The following MSRA variants were observed in gnomAD, a reference collection of about 807,000 sequenced individuals.
The protein encoded by MSRA is methionine sulfoxide reductase A, also known as mitochondrial peptide methionine sulfoxide reductase.
A neutral mutation model predicts 31.3 loss-of-function variants in MSRA; 54 were observed. The observed-to-expected ratio is 1.73, with a 90% CI of 1.39 to 2.17. MSRA has a LOEUF of 2.17. MSRA is among the 30% of genes most tolerant of loss of function. The pLI, the probability that MSRA is intolerant of heterozygous loss-of-function variation, is 0.00. For missense variants in MSRA, 507 were observed against 300.9 expected (o/e 1.69, Z -5.07); for synonymous variants, 169 against 116.5 (o/e 1.45, Z -2.90).
At chr8:10,252,534 G>A (rs1040905909) in intron 3 of MSRA, among the ~76,000 whole-genome samples, 2 of 152,136 alleles carry the variant, frequency 1.3e-5, no homozygotes, top group Non-Finnish European at 2.9e-5. Context: ...AGTAAAGAGC[G>A]CCTGCAGGAG....
At chr8:10,364,983 G>T (rs1009054998) in intron 5 of MSRA, among the ~76,000 whole-genome samples, 8 of 151,884 alleles carry the variant, frequency 5.3e-5, no homozygotes, top group African/African-American at 1.7e-4. Flanking sequence ...TGCACCTCTC[G>T]CTTATATAAC....
At chr8:10,237,288 T>A (rs1337076538) in intron 2 of MSRA, among the ~76,000 whole-genome samples, 1 of 152,258 alleles carries the variant, frequency 6.6e-6, no homozygotes, top group Non-Finnish European at 1.5e-5. Context: ...TAAGATGATG[T>A]TGGGTTAGGT....
chr8:10,184,401 A>G (rs1352720524), intron 1 of MSRA, among the ~76,000 whole-genome samples: 1 of 151,866 alleles, frequency 6.6e-6, no homozygotes, highest in Non-Finnish European at 1.5e-5. Flanking sequence ...CTGCCTGGGA[A>G]CAGTAAACCT....
intron 1 of MSRA, among the ~76,000 whole-genome samples, chr8:10,107,206 A>C (rs542748970): frequency 6.6e-6 from 1 of 151,670 alleles, no homozygotes; most frequent in African/African-American, 2.4e-5. Context: ...TCAGAGGGAG[A>C]ATCAAAATTC....
chr8:10,307,500 C>A (rs908896812), intron 4 of MSRA, among the ~76,000 whole-genome samples: 1 of 152,128 alleles, frequency 6.6e-6, no homozygotes, highest in African/African-American at 2.4e-5. Context: ...CCAGTGATAA[C>A]AATTGGGCTT....
At chr8:10,362,793 C>G (rs1218485871) in intron 5 of MSRA, among the ~76,000 whole-genome samples, 3 of 152,068 alleles carry the variant, frequency 2.0e-5, no homozygotes, top group African/African-American at 7.2e-5. Context: ...TGCCTTTTTC[C>G]TCTTTGTCGG....
At chr8:10,064,700 T>G (rs1797370814) in intron 1 of MSRA, among the ~76,000 whole-genome samples, 1 of 152,180 alleles carries the variant, frequency 6.6e-6, no homozygotes, top group Admixed American at 6.5e-5. Flanking sequence ...GTTTTCGTAT[T>G]TTACCTTTGA....
At chr8:10,343,205 C>G (rs1485248066) in intron 5 of MSRA, among the ~76,000 whole-genome samples, 2 of 152,088 alleles carry the variant, frequency 1.3e-5, no homozygotes, top group African/African-American at 4.8e-5. Context: ...AACCTTCAGG[C>G]TTGCTCAGCA....
In MSRA at chr8:10,428,429, A is replaced by C; in HGVS notation, c.*117A>C. The C allele has an allele frequency of 8.8e-7, 1 of 1,138,254 alleles. No individual in the cohort carries two copies. The highest frequency in any genetic ancestry group is 1.3e-6 in the Non-Finnish European group (1 of 798,034). 70.5% of individuals were successfully genotyped at this position (1,138,254 alleles called of 1,614,324 possible). ...AAGTGCACAAAGTACAAAGGAATTT[A>C]TACAGATTGGGTTTACCGAAGTATA... On this transcript the variant is annotated 3_prime_UTR_variant, in exon 6 of 6. Transcript: ENST00000317173.
chr8:10,228,481 T>C (rs1811188635), intron 2 of MSRA, among the ~76,000 whole-genome samples: 1 of 152,158 alleles, frequency 6.6e-6, no homozygotes, highest in African/African-American at 2.4e-5. Context: ...ATGTCATTTA[T>C]CAGGTGCCAC....
chr8:10,077,329 G>A (rs994357744), intron 1 of MSRA, among the ~76,000 whole-genome samples: 3 of 152,104 alleles, frequency 2.0e-5, no homozygotes, highest in Non-Finnish European at 4.4e-5. Flanking sequence ...TAAGGCAACA[G>A]GTTCAAAAGG....
At chr8:10,336,111 C>T (rs192052376) in intron 5 of MSRA, among the ~76,000 whole-genome samples, 1 of 152,272 alleles carries the variant, frequency 6.6e-6, no homozygotes, top group African/African-American at 2.4e-5. Flanking sequence ...TTGCCAATAT[C>T]ACATTAAAAG....
chr8:10,175,020 A>T (rs796099801), intron 1 of MSRA, among the ~76,000 whole-genome samples: 16 of 151,856 alleles, frequency 1.1e-4, no homozygotes, highest in African/African-American at 3.4e-4. Context: ...ACGTTCTCTG[A>T]CTCATCCGTC....
intron 5 of MSRA, among the ~76,000 whole-genome samples, chr8:10,325,593 T>G (rs1277392809): frequency 2.0e-5 from 3 of 152,246 alleles, no homozygotes; most frequent in African/African-American, 7.2e-5. Context: ...TCTGACTGTT[T>G]ATTCAGTTGA....
chr8:10,362,125 G>A lies in MSRA; in HGVS notation c.543+42136G>A, dbSNP rs181054328. On this transcript the variant is annotated intron_variant, in intron 5 of 5. Transcript: ENST00000317173. ...GAGACTTTGGCAAGTTCGTTGGCTT[G>A]TCTGAGCCTCAGTTTTCCTCCTTGT... is the stretch of plus-strand genomic sequence containing the variant. Among the ~76,000 whole-genome samples, 502 of 152,278 alleles carry A rather than the reference G, an allele frequency of 3.3e-3. 10 individuals are homozygous for A. Among genetic ancestry groups the A allele is most frequent in the Admixed American group, 0.03 (459 of 15,294 alleles).
At chr8:10,059,698 A>G (rs1802597864) in intron 1 of MSRA, among the ~76,000 whole-genome samples, 4 of 152,242 alleles carry the variant, frequency 2.6e-5, no homozygotes, top group Admixed American at 2.6e-4. Context: ...TCATAAGCAA[A>G]GCCAAAAGAC....
chr8:10,289,007 G>C (rs527969044), intron 3 of MSRA, among the ~76,000 whole-genome samples: 13 of 149,548 alleles, frequency 8.7e-5, no homozygotes, highest in Non-Finnish European at 1.8e-4. Context: ...TTTTCTTTTT[G>C]AATTATTTTA....
intron 1 of MSRA, among the ~76,000 whole-genome samples, chr8:10,064,396 G>C (rs1378395322): frequency 6.6e-6 from 1 of 151,288 alleles, no homozygotes; most frequent in Non-Finnish European, 1.5e-5. Flanking sequence ...TTGTATTTCT[G>C]TAGGAATTTT....
At chr8:10,402,568 G>C (rs1807533348) in intron 5 of MSRA, among the ~76,000 whole-genome samples, 1 of 152,216 alleles carries the variant, frequency 6.6e-6, no homozygotes, top group South Asian at 2.1e-4. Flanking sequence ...TGGGAGCCCA[G>C]GCACTCTATA....
Sources: gnomAD v4.1 joint callset for allele counts (sites outside exome capture counted in the v4.1 genomes callset) on GRCh38, gnomAD v4.1.1 for gene constraint, MANE v1.5 for transcripts, NCBI Gene and HGNC (gene_info 2026-07-23, HGNC 2026-07-21) for gene names.